The following UNC5D variants were observed in gnomAD, a reference collection of about 807,000 sequenced individuals.
The protein encoded by UNC5D is unc-5 netrin receptor D.
Under a neutral mutation model 105.4 loss-of-function variants are expected in UNC5D, and 39 were observed. That is an observed-to-expected ratio of 0.37 (90% CI 0.29 to 0.48). The LOEUF (loss-of-function observed/expected upper bound fraction) is 0.48, where lower values mean the gene tolerates loss of function less well. Ranked by LOEUF, UNC5D falls within the 20% of genes least tolerant of loss-of-function variation. The probability of loss-of-function intolerance (pLI) is 0.98; values close to 1 mark genes in which losing one functional copy is unlikely to be tolerated. For synonymous variants in UNC5D, 452 were observed against 450.4 expected, an observed-to-expected ratio of 1.00 and a Z score of -0.04; for missense variants, 991 against 1,202.4, an observed-to-expected ratio of 0.82 and a Z score of 2.60.
chr8:35,536,981 G>A (rs1320340791), intron 1 of UNC5D, among the ~76,000 whole-genome samples: 1 of 151,492 alleles, frequency 6.6e-6, no homozygotes, highest in African/African-American at 2.4e-5. Context: ...GGGTGACAGA[G>A]CGAGACTCTA....
intron 16 of UNC5D, among the ~76,000 whole-genome samples, chr8:35,775,338 C>T (rs1340412807): frequency 6.6e-6 from 1 of 152,190 alleles, no homozygotes; most frequent in Non-Finnish European, 1.5e-5. Context: ...TGACACTGCT[C>T]ATTACTGCAC....
intron 2 of UNC5D, among the ~76,000 whole-genome samples, chr8:35,555,136 G>T (rs1232770555): frequency 6.6e-6 from 1 of 152,136 alleles, no homozygotes; most frequent in Non-Finnish European, 1.5e-5. Flanking sequence ...ACATAGCACA[G>T]AAATAATCTC....
chr8:35,576,039 C>T (rs1482987015), intron 3 of UNC5D, among the ~76,000 whole-genome samples: 3 of 152,118 alleles, frequency 2.0e-5, no homozygotes, highest in African/African-American at 7.2e-5. Context: ...AGGCCTTGTG[C>T]CTGTGGGTGT....
chr8:35,467,596 A>AAGG (rs1324295632), intron 1 of UNC5D, among the ~76,000 whole-genome samples: 2 of 149,672 alleles, frequency 1.3e-5, no homozygotes, highest in African/African-American at 4.9e-5. Flanking sequence ...AAAAAAGAAG[A>AAGG]AAAAATCAGA....
chr8:35,476,427 A>C (rs575036715), intron 1 of UNC5D, among the ~76,000 whole-genome samples: 24 of 152,200 alleles, frequency 1.6e-4, no homozygotes, highest in Non-Finnish European at 2.9e-4. Flanking sequence ...CTAATATTTG[A>C]TGAATCTCTT....
chr8:35,626,403 G>A (rs554738783), intron 4 of UNC5D, among the ~76,000 whole-genome samples: 1 of 152,182 alleles, frequency 6.6e-6, no homozygotes, highest in East Asian at 1.9e-4. Flanking sequence ...TTAAAATGCA[G>A]CCTCCCTTTG....
chr8:35,498,912 C>T (rs952471239), intron 1 of UNC5D, among the ~76,000 whole-genome samples: 2 of 152,050 alleles, frequency 1.3e-5, no homozygotes, highest in African/African-American at 4.8e-5. Flanking sequence ...TCAACATTTG[C>T]TTCCAAGCAT....
At chr8:35,457,408 TCTAA>T (rs1211448317) in intron 1 of UNC5D, among the ~76,000 whole-genome samples, 3 of 152,142 alleles carry the variant, frequency 2.0e-5, no homozygotes, top group African/African-American at 4.8e-5. Flanking sequence ...ATGACCAGGG[TCTAA>T]CTGTCTACAA....
At position 35,483,118 on chromosome 8, in the gene UNC5D, G is replaced by A. The variant is rs556044195; in HGVS notation, c.104-66174G>A. ...GCACCTGGCCCCATTTTTTTTTTAA[G>A]AGGTGCTGTTGTTCATTCTCACATG... On this transcript the variant is annotated intron_variant, in intron 1 of 16. Coordinates refer to ENST00000404895, the MANE Select transcript of UNC5D (RefSeq NM_080872.4). Among the ~76,000 whole-genome samples, 423 of 151,628 alleles carry A rather than the reference G, an allele frequency of 2.8e-3. 3 individuals are homozygous for A. The highest frequency in any genetic ancestry group is 9.3e-3 in the African/African-American group (385 of 41,338).
chr8:35,745,997 A>G (rs746834190), intron 11 of UNC5D, among the ~76,000 whole-genome samples: 7 of 151,222 alleles, frequency 4.6e-5, no homozygotes, highest in Middle Eastern at 3.4e-3. Flanking sequence ...TTTTGTCCAC[A>G]TCCAATTAAA....
At chr8:35,550,749 A>G (rs2130696245) in intron 2 of UNC5D, among the ~76,000 whole-genome samples, 1 of 152,320 alleles carries the variant, frequency 6.6e-6, no homozygotes, top group Admixed American at 6.5e-5. Context: ...ATCACATCTA[A>G]CTAGGACTAT....
rs539106199 is a variant in UNC5D, at chr8:35,267,319, G to T, written c.103+31432G>T. On this transcript the variant is annotated intron_variant, in intron 1 of 16. Transcript: ENST00000404895. ...ACATTAAAAATCTTCAACCACATAG[G>T]CACAAAGAATAGCATGTTGTATTGA... is the stretch of plus-strand genomic sequence containing the variant. Among the ~76,000 whole-genome samples, 3 of 151,980 alleles carry T rather than the reference G, an allele frequency of 2.0e-5. No homozygotes were observed. In the South Asian group the frequency reaches 6.3e-4, roughly 32 times the overall value.
intron 1 of UNC5D, among the ~76,000 whole-genome samples, chr8:35,453,894 A>AT: frequency 6.6e-6 from 1 of 152,138 alleles, no homozygotes; most frequent in South Asian, 2.1e-4. Context: ...GGCTGGATTT[A>AT]TTTTTTCTAA....
intron 1 of UNC5D, among the ~76,000 whole-genome samples, chr8:35,488,127 ATG>A (rs1453924062): frequency 6.6e-6 from 1 of 152,202 alleles, no homozygotes; most frequent in African/African-American, 2.4e-5. Flanking sequence ...AATTGAGAAA[ATG>A]TGTACTGGAG....
chr8:35,292,477 G>A (rs1479240265), intron 1 of UNC5D, among the ~76,000 whole-genome samples: 2 of 152,030 alleles, frequency 1.3e-5, no homozygotes, highest in African/African-American at 4.8e-5. Flanking sequence ...GTTGGACATT[G>A]GTCAAAGCTT....
chr8:35,329,115 A>G (rs1403865202), intron 1 of UNC5D, among the ~76,000 whole-genome samples: 2 of 152,074 alleles, frequency 1.3e-5, no homozygotes, highest in Non-Finnish European at 2.9e-5. Flanking sequence ...AACTTCCTCT[A>G]ATCATCACTG....
At chr8:35,578,052 T>A (rs2130827858) in intron 3 of UNC5D, among the ~76,000 whole-genome samples, 1 of 151,642 alleles carries the variant, frequency 6.6e-6, no homozygotes, top group Non-Finnish European at 1.5e-5. Flanking sequence ...TGGTGAAACC[T>A]CATCTCTACT....
chr8:35,625,344 ACT>A (rs1821644576), intron 4 of UNC5D, among the ~76,000 whole-genome samples: 1 of 152,180 alleles, frequency 6.6e-6, no homozygotes, highest in Non-Finnish European at 1.5e-5. Context: ...ATCTACATAA[ACT>A]CTGATGGTTT....
At chr8:35,541,102 G>C (rs1267937705) in intron 1 of UNC5D, among the ~76,000 whole-genome samples, 3 of 152,140 alleles carry the variant, frequency 2.0e-5, no homozygotes, top group African/African-American at 7.2e-5. Flanking sequence ...GAGTTGAATT[G>C]AGCAAAGAAC....
Sources: gnomAD v4.1 joint callset for allele counts (sites outside exome capture counted in the v4.1 genomes callset) on GRCh38, gnomAD v4.1.1 for gene constraint, MANE v1.5 for transcripts, NCBI Gene and HGNC (gene_info 2026-07-23, HGNC 2026-07-21) for gene names.